Variants in BMPER observed in about 807,000 individuals in gnomAD.
The protein encoded by BMPER is BMP binding endothelial regulator, also known as BMP-binding endothelial regulator protein.
BMPER carries 45 observed loss-of-function variants against 87.3 expected under a neutral mutation model. The ratio of observed to expected loss-of-function variants is 0.52; its 90% CI spans 0.41 to 0.66. BMPER has a LOEUF of 0.66. Ranked by LOEUF, BMPER falls within the 30% of genes least tolerant of loss-of-function variation. BMPER has a pLI of 0.00. For missense variants in BMPER, 784 were observed against 867.5 expected (o/e 0.90, Z 1.21); for synonymous variants, 326 against 316.2 (o/e 1.03, Z -0.33).
intron 6 of BMPER, chr7:34,042,579 C>G (rs962696159): frequency 1.3e-5 from 2 of 152,000 alleles, no homozygotes; most frequent in African/African-American, 4.8e-5. Context: ...TGTGTAAAAC[C>G]CAATAAAACG....
At chr7:33,983,380 A>C (rs1785913934) in intron 6 of BMPER, among the ~76,000 whole-genome samples, 1 of 152,196 alleles carries the variant, frequency 6.6e-6, no homozygotes, top group Non-Finnish European at 1.5e-5. Context: ...GTTGGAAAAG[A>C]AAGTTTTTCT....
chr7:34,065,445 C>G (rs1341692760), intron 11 of BMPER, among the ~76,000 whole-genome samples: 1 of 152,126 alleles, frequency 6.6e-6, no homozygotes, highest in African/African-American at 2.4e-5. Flanking sequence ...CAGATACTGC[C>G]AAATGTCCCC....
chr7:33,948,809 C>G (rs991432790), intron 3 of BMPER, among the ~76,000 whole-genome samples: 6 of 152,118 alleles, frequency 3.9e-5, no homozygotes, highest in African/African-American at 1.4e-4. Context: ...TATAAACTAC[C>G]CAGTCTTAGG....
chr7:33,995,885 T>G (rs1000118969), intron 6 of BMPER, among the ~76,000 whole-genome samples: 1 of 152,166 alleles, frequency 6.6e-6, no homozygotes, highest in Non-Finnish European at 1.5e-5. Flanking sequence ...GAGGCCAGGG[T>G]GCCCTGGTGG....
chr7:34,003,797 C>G (rs543025344), intron 6 of BMPER, among the ~76,000 whole-genome samples: 3 of 152,110 alleles, frequency 2.0e-5, no homozygotes, highest in East Asian at 1.9e-4. Flanking sequence ...TATTGATGCT[C>G]TCTTGTATAT....
chr7:34,033,955 C>A (rs1271955326), intron 6 of BMPER, among the ~76,000 whole-genome samples: 8 of 152,146 alleles, frequency 5.3e-5, no homozygotes, highest in Admixed American at 5.2e-4. Flanking sequence ...TAAGAATGTT[C>A]AGGTAGAATT....
intron 13 of BMPER, among the ~76,000 whole-genome samples, chr7:34,125,092 A>G (rs1437209457): frequency 1.3e-5 from 2 of 151,700 alleles, no homozygotes; most frequent in Admixed American, 6.6e-5. Context: ...TTTTGCCCTT[A>G]TATTTGTAAA....
intron 12 of BMPER, among the ~76,000 whole-genome samples, chr7:34,085,224 A>G (rs1390723098): frequency 6.6e-6 from 1 of 152,212 alleles, no homozygotes. Context: ...TTTGAAGGGG[A>G]TATATTCAGA....
rs763456675 is a variant in BMPER, at chr7:34,031,381, T to C, written c.577-14925T>C. On this transcript the variant is annotated intron_variant, in intron 6 of 14. Coordinates refer to ENST00000649409, the MANE Select transcript of BMPER (RefSeq NM_001365308.1). Reference sequence around the variant, plus strand: ...GGAAAACAAAGACTTGCAAGATTATTTTATAAAATCTGTGTTGAACTTATA... The same window carrying C: ...GGAAAACAAAGACTTGCAAGATTATCTTATAAAATCTGTGTTGAACTTATA... 8.5e-4 allele frequency among the ~76,000 whole-genome samples: 130 copies of C among 152,218 alleles called. 1 individual carries two copies. Among genetic ancestry groups the C allele is most frequent in the Non-Finnish European group, 1.6e-3 (107 of 68,000 alleles).
chr7:34,134,380 G>C (rs577529762), intron 13 of BMPER, among the ~76,000 whole-genome samples: 5 of 152,266 alleles, frequency 3.3e-5, no homozygotes, highest in Admixed American at 1.3e-4. Flanking sequence ...GGCCACTAGA[G>C]GGGGGTCGTG....
intron 5 of BMPER, among the ~76,000 whole-genome samples, chr7:33,971,870 A>T (rs1325600636): frequency 6.6e-6 from 1 of 152,160 alleles, no homozygotes; most frequent in Admixed American, 6.5e-5. Flanking sequence ...ATATGAGTTC[A>T]GTTGTGTTGA....
At chr7:34,092,925 A>G (rs1789428117) in intron 13 of BMPER, among the ~76,000 whole-genome samples, 1 of 152,230 alleles carries the variant, frequency 6.6e-6, no homozygotes, top group Non-Finnish European at 1.5e-5. Context: ...AACTATTCAT[A>G]TCTTAACAGA....
At chr7:34,076,028 T>C (rs907256188) in intron 11 of BMPER, among the ~76,000 whole-genome samples, 1 of 152,220 alleles carries the variant, frequency 6.6e-6, no homozygotes, top group Non-Finnish European at 1.5e-5. Context: ...CTCTTCAATA[T>C]TGCTGTCAAA....
intron 8 of BMPER, among the ~76,000 whole-genome samples, chr7:34,053,591 C>T (rs968833835): frequency 1.3e-5 from 2 of 152,042 alleles, no homozygotes; most frequent in South Asian, 4.1e-4. Flanking sequence ...ATACTGTATT[C>T]TTATAATGAA....
In BMPER at chr7:34,087,919, TG is replaced by T. The variant is rs1789262211; in HGVS notation, c.1745+1828del. Among the ~76,000 whole-genome samples, 6 of 152,358 alleles carry T rather than the reference TG, an allele frequency of 3.9e-5. No homozygotes were observed. The South Asian group carries it at 1.2e-3, about 32-fold the overall frequency. ...GCCTTCGGTGATTTATTTAGTGTTA[TG>T]ATTTCTGGACTGCAACAGAAATATG... On this transcript the variant is annotated intron_variant, in intron 13 of 14. Transcript: ENST00000649409.
At chr7:34,124,891 A>ACCTGTTGTACAGGTG (rs1179387661) in intron 13 of BMPER, among the ~76,000 whole-genome samples, 5 of 152,092 alleles carry the variant, frequency 3.3e-5, no homozygotes, top group Non-Finnish European at 7.4e-5. Flanking sequence ...CATTTATTGT[A>ACCTGTTGTACAGGTG]TATTATGTTG....
chr7:34,013,302 C>T (rs565577514), intron 6 of BMPER, among the ~76,000 whole-genome samples: 1 of 151,872 alleles, frequency 6.6e-6, no homozygotes, highest in South Asian at 2.1e-4. Context: ...GTCCCCCACT[C>T]ACTGAGTCCT....
intron 14 of BMPER, among the ~76,000 whole-genome samples, chr7:34,149,014 C>T (rs1791101753): frequency 6.6e-6 from 1 of 152,140 alleles, no homozygotes; most frequent in Non-Finnish European, 1.5e-5. Context: ...GGTTGAATAT[C>T]ATTAATATGA....
intron 6 of BMPER, among the ~76,000 whole-genome samples, chr7:34,017,392 A>G (rs1430488240): frequency 6.6e-6 from 1 of 151,864 alleles, no homozygotes; most frequent in Non-Finnish European, 1.5e-5. Flanking sequence ...GAGGACTCAC[A>G]TCTTAAATGG....
Sources: gnomAD v4.1 joint callset for allele counts (sites outside exome capture counted in the v4.1 genomes callset) on GRCh38, gnomAD v4.1.1 for gene constraint, MANE v1.5 for transcripts, NCBI Gene and HGNC (gene_info 2026-07-23, HGNC 2026-07-21) for gene names.